The following PPP1R36 variants were observed in gnomAD, a reference collection of about 807,000 sequenced individuals.
The protein encoded by PPP1R36 is protein phosphatase 1 regulatory subunit 36, also known as chromosome 14 open reading frame 50.
In PPP1R36, 47 loss-of-function variants were observed where a neutral mutation model predicts 53.4. The ratio of observed to expected loss-of-function variants is 0.88; its 90% CI spans 0.70 to 1.12. The LOEUF (loss-of-function observed/expected upper bound fraction) is 1.12. PPP1R36 is among the 50% of genes most tolerant of loss of function. PPP1R36 has a pLI of 0.00. For synonymous variants in PPP1R36, 153 were observed against 170.5 expected (o/e 0.90, Z 0.80); for missense variants, 456 against 513.9 (o/e 0.89, Z 1.09).
intron 9 of PPP1R36, 128 bp downstream of exon 9, chr14:64,587,007 A>C: frequency 8.6e-6 from 7 of 816,772 alleles, no homozygotes; most frequent in Non-Finnish European, 1.4e-5. Context: ...GCTATATGCT[A>C]TACCTTAAAT....
intron 6 of PPP1R36, among the ~76,000 whole-genome samples, chr14:64,566,687 C>T (rs553165741): frequency 3.3e-5 from 5 of 152,268 alleles, no homozygotes; most frequent in East Asian, 3.9e-4. Context: ...GTTGGGTGCC[C>T]GATGCCATTT....
chr14:64,556,127 A>ATTTTT (rs35877479), intron 3 of PPP1R36, among the ~76,000 whole-genome samples: 10 of 125,370 alleles, frequency 8.0e-5, no homozygotes, highest in Non-Finnish European at 9.7e-5. Flanking sequence ...TTGTAGATTG[A>ATTTTT]TTTTTTTTTT....
At chr14:64,578,070 T>C (rs1260604756) in intron 8 of PPP1R36, among the ~76,000 whole-genome samples, 1 of 149,790 alleles carries the variant, frequency 6.7e-6, no homozygotes, top group Non-Finnish European at 1.5e-5. Context: ...CAGGCTGGAG[T>C]GCAATGGCGC....
chr14:64,564,686 G>T, intron 3 of PPP1R36, 65 bp from the exon 4 acceptor site: 1 of 1,053,252 alleles, frequency 9.5e-7, no homozygotes, highest in South Asian at 1.4e-5. Context: ...TATGAGCTAT[G>T]ATATGATTTG....
chr14:64,552,932 A>G lies in PPP1R36; in HGVS notation c.182+71A>G, dbSNP rs77242376. ...AAGATAGTTACAGAAGTCAAAATAC[A>G]TGTTAAAGCACAAGAGAATGTGTGT... On this transcript the variant is annotated intron_variant, in intron 3 of 11. Coordinates refer to ENST00000298705, the MANE Select transcript of PPP1R36 (RefSeq NM_172365.3). 2.1e-3 allele frequency: 2,814 copies of G among 1,360,510 alleles called. 61 individuals are homozygous for G. In the African/African-American group the frequency reaches 0.038, roughly 18 times the overall value. The allele number at this position is 1,360,510 out of a possible 1,614,324, so 84.3% of individuals were successfully genotyped here.
At chr14:64,556,562 G>A (rs377028442) in intron 3 of PPP1R36, among the ~76,000 whole-genome samples, 1 of 151,136 alleles carries the variant, frequency 6.6e-6, no homozygotes, top group Admixed American at 6.6e-5. Flanking sequence ...AGTAGTTTGA[G>A]ACCAGCCTGG....
chr14:64,577,176 T>C (rs1243557253), intron 8 of PPP1R36, among the ~76,000 whole-genome samples: 1 of 152,152 alleles, frequency 6.6e-6, no homozygotes, highest in Non-Finnish European at 1.5e-5. Flanking sequence ...TGACAGAGCT[T>C]TCTGGGGTCT....
At chr14:64,556,566 A>G (rs1174889607) in intron 3 of PPP1R36, among the ~76,000 whole-genome samples, 1 of 150,592 alleles carries the variant, frequency 6.6e-6, no homozygotes, top group South Asian at 2.1e-4. Flanking sequence ...GTTTGAGACC[A>G]GCCTGGGCAA....
intron 8 of PPP1R36, among the ~76,000 whole-genome samples, chr14:64,585,267 T>G (rs56690759): frequency 0.29 from 43,856 of 152,136 alleles, 6,473 homozygotes; most frequent in African/African-American, 0.34. Context: ...TGTCATCCCA[T>G]CACTTTGGGA....
chr14:64,555,351 A>G (rs1388894480), intron 3 of PPP1R36, among the ~76,000 whole-genome samples: 1 of 152,204 alleles, frequency 6.6e-6, no homozygotes, highest in East Asian at 1.9e-4. Context: ...CGAAGATTCA[A>G]TTGATAAATA....
intron 7 of PPP1R36, among the ~76,000 whole-genome samples, chr14:64,571,320 T>G (rs2080301719): frequency 6.6e-6 from 1 of 151,948 alleles, no homozygotes; most frequent in African/African-American, 2.4e-5. Flanking sequence ...AGGGATAGAG[T>G]TTCACCATGT....
In PPP1R36 at chr14:64,589,249, T is replaced by C; in HGVS notation, c.1180T>C (p.Ser394Pro). 1 of 1,613,892 alleles carries C rather than the reference T, an allele frequency of 6.2e-7. No individual in the cohort carries two copies. Residue 394 changes from serine (S) to proline (P), a missense_variant, in exon 12 of 12, where the codon TCC becomes CCC. Transcript: ENST00000298705. ...ENTKSFGRYP[S>P]LMENNNMRIQ... Reference sequence around the variant, plus strand: ...CACAAAATCATTTGGGAGATATCCTTCCTTGATGGAAAACAATAACATGAG... The same window carrying C: ...CACAAAATCATTTGGGAGATATCCTCCCTTGATGGAAAACAATAACATGAG...
chr14:64,580,945 C>T (rs187561959), intron 8 of PPP1R36, among the ~76,000 whole-genome samples: 84 of 152,238 alleles, frequency 5.5e-4, no homozygotes, highest in Non-Finnish European at 1.2e-4. Context: ...CTGATGCAGT[C>T]AGGTGAAACA....
At chr14:64,570,729 C>T (rs1284985829) in intron 7 of PPP1R36, among the ~76,000 whole-genome samples, 1 of 152,170 alleles carries the variant, frequency 6.6e-6, no homozygotes, top group Non-Finnish European at 1.5e-5. Context: ...TAACCCAGTG[C>T]ATGGCACTTG....
chr14:64,589,039 C>T, intron 11 of PPP1R36, 113 bp from the exon 12 acceptor site: 1 of 695,074 alleles, frequency 1.4e-6, no homozygotes, highest in South Asian at 2.1e-5. Context: ...TATATCTTAG[C>T]TTTAGTGTAC....
intron 8 of PPP1R36, among the ~76,000 whole-genome samples, chr14:64,580,791 G>A (rs1229475786): frequency 1.3e-5 from 2 of 152,164 alleles, no homozygotes; most frequent in East Asian, 1.9e-4. Flanking sequence ...AGAAGATGAG[G>A]ACAATGTTTT....
intron 3 of PPP1R36, among the ~76,000 whole-genome samples, chr14:64,553,504 G>A (rs899477302): frequency 6.6e-6 from 1 of 151,998 alleles, no homozygotes; most frequent in Non-Finnish European, 1.5e-5. Context: ...TAAAATGTAG[G>A]TTATATGACA....
chr14:64,589,099 C>T (rs1434191838), intron 11 of PPP1R36, 53 bp from the exon 12 acceptor site: 2 of 1,359,254 alleles, frequency 1.5e-6, no homozygotes, highest in Non-Finnish European at 2.1e-6. Context: ...CTCAACCCTG[C>T]ACGTCAGTCT....
At chr14:64,565,586 C>G (rs891027396) in intron 5 of PPP1R36, 40 bp from the exon 6 acceptor site, 3 of 1,559,786 alleles carry the variant, frequency 1.9e-6, no homozygotes, top group Admixed American at 3.3e-5. Flanking sequence ...TCTAAGGTAG[C>G]TCTTTGTCCC....
Sources: gnomAD v4.1 joint callset for allele counts (sites outside exome capture counted in the v4.1 genomes callset) on GRCh38, gnomAD v4.1.1 for gene constraint, MANE v1.5 for transcripts, NCBI Gene and HGNC (gene_info 2026-07-23, HGNC 2026-07-21) for gene names.